Variants in PRICKLE1 observed in about 807,000 individuals in gnomAD.
The protein encoded by PRICKLE1 is prickle planar cell polarity protein 1.
Under a neutral mutation model 70.2 loss-of-function variants are expected in PRICKLE1, and 14 were observed. The ratio of observed to expected loss-of-function variants is 0.20; its 90% CI spans 0.13 to 0.31. The LOEUF (loss-of-function observed/expected upper bound fraction) is 0.31. PRICKLE1 is among the 10% of genes least tolerant of loss of function. The probability of loss-of-function intolerance (pLI) is 1.00; values close to 1 mark genes in which losing one functional copy is unlikely to be tolerated. For synonymous variants in PRICKLE1, 357 were observed against 379.9 expected (o/e 0.94, Z 0.70); for missense variants, 821 against 1,026.2 (o/e 0.80, Z 2.73).
At chr12:42,572,166 G>A (rs1390726812) in intron 1 of PRICKLE1, among the ~76,000 whole-genome samples, 1 of 152,138 alleles carries the variant, frequency 6.6e-6, no homozygotes, top group African/African-American at 2.4e-5. Flanking sequence ...GGGCGCGGTG[G>A]CTTATGCTTG....
intron 7 of PRICKLE1, chr12:42,463,730 A>T (rs1937958925): frequency 6.5e-6 from 1 of 153,080 alleles, no homozygotes; most frequent in South Asian, 2.1e-4. Context: ...CAAAAAAAAA[A>T]AGAGCTTGTA....
At chr12:42,578,873 T>G (rs1396697278) in intron 1 of PRICKLE1, among the ~76,000 whole-genome samples, 1 of 152,066 alleles carries the variant, frequency 6.6e-6, no homozygotes, top group Non-Finnish European at 1.5e-5. Flanking sequence ...GTGATTCTCC[T>G]GCCTCAGCCT....
chr12:42,497,831 T>C (rs769510694), intron 1 of PRICKLE1, among the ~76,000 whole-genome samples: 13 of 151,792 alleles, frequency 8.6e-5, no homozygotes, highest in Non-Finnish European at 1.9e-4. Context: ...CAGTGTGCAG[T>C]AAAACGAAGC....
chr12:42,467,546 G>A lies in PRICKLE1; in HGVS notation c.588+1080C>T, dbSNP rs535787522. Among the ~76,000 whole-genome samples the A allele has an allele frequency of 1.1e-4, 16 of 152,092 alleles. 1 individual carries two copies. In the South Asian group the frequency reaches 3.3e-3, roughly 32 times the overall value. ...TCTTGGGGTCAGGAATTCGAGACCA[G>A]CCTGGCCAACATGGTGAAGCCCGCC... On this transcript the variant is annotated intron_variant, in intron 5 of 7. Coordinates refer to ENST00000345127, the MANE Select transcript of PRICKLE1 (RefSeq NM_153026.3).
intron 1 of PRICKLE1, among the ~76,000 whole-genome samples, chr12:42,538,787 A>G (rs1287846648): frequency 1.3e-5 from 2 of 152,282 alleles, no homozygotes; most frequent in East Asian, 3.9e-4. Flanking sequence ...CAAGGGAAGT[A>G]AGTTTTCCTA....
At chr12:42,582,853 G>A (rs1054085658) in intron 1 of PRICKLE1, among the ~76,000 whole-genome samples, 6 of 152,078 alleles carry the variant, frequency 3.9e-5, no homozygotes, top group African/African-American at 1.4e-4. Context: ...CATCGTTAGT[G>A]TTAGTATGTT....
At chr12:42,518,683 G>A (rs1939653406) in intron 1 of PRICKLE1, among the ~76,000 whole-genome samples, 1 of 152,140 alleles carries the variant, frequency 6.6e-6, no homozygotes, top group South Asian at 2.1e-4. Flanking sequence ...GTTGTAAGAT[G>A]AAATTTAATC....
chr12:42,528,680 G>A (rs945711718), intron 1 of PRICKLE1, among the ~76,000 whole-genome samples: 2 of 152,222 alleles, frequency 1.3e-5, no homozygotes, highest in Admixed American at 1.3e-4. Context: ...CAATCAGGCA[G>A]AAGTTGATGT....
At chr12:42,570,215 C>T (rs1214900122) in intron 1 of PRICKLE1, among the ~76,000 whole-genome samples, 1 of 152,216 alleles carries the variant, frequency 6.6e-6, no homozygotes, top group African/African-American at 2.4e-5. Context: ...AAACAATTGT[C>T]ATACTCCATG....
intron 1 of PRICKLE1, among the ~76,000 whole-genome samples, chr12:42,518,163 C>T (rs1194000971): frequency 2.6e-5 from 4 of 151,786 alleles, no homozygotes. Context: ...ACTGCCTCAG[C>T]CTCCTGCGTA....
intron 7 of PRICKLE1, among the ~76,000 whole-genome samples, chr12:42,461,446 G>T (rs1937831244): frequency 6.6e-6 from 1 of 152,158 alleles, no homozygotes; most frequent in South Asian, 2.1e-4. Flanking sequence ...CAGCTCAACA[G>T]CTTGTTTGTG....
intron 1 of PRICKLE1, among the ~76,000 whole-genome samples, chr12:42,527,944 T>C (rs1290066104): frequency 0.037 from 2,802 of 74,898 alleles, 283 homozygotes; most frequent in African/African-American, 0.14. Flanking sequence ...TATATATATA[T>C]ATATATATAT....
intron 7 of PRICKLE1, among the ~76,000 whole-genome samples, chr12:42,461,240 T>C (rs1937820365): frequency 1.3e-5 from 2 of 152,234 alleles, no homozygotes; most frequent in Admixed American, 1.3e-4. Context: ...TTACGGCACA[T>C]GGCATGAGCA....
intron 1 of PRICKLE1, among the ~76,000 whole-genome samples, chr12:42,574,879 A>C (rs145817458): frequency 6.2e-4 from 93 of 148,932 alleles, no homozygotes; most frequent in African/African-American, 2.1e-3. Context: ...CTATGAGACT[A>C]TTGTCTGCTA....
chr12:42,530,170 CTGACCTCAAG>C (rs1939885605), intron 1 of PRICKLE1, among the ~76,000 whole-genome samples: 1 of 152,078 alleles, frequency 6.6e-6, no homozygotes, highest in Admixed American at 6.5e-5. Flanking sequence ...TCTTGAACTC[CTGACCTCAAG>C]TGATCCGCCT....
chr12:42,490,847 T>C (rs1342328598), intron 1 of PRICKLE1, among the ~76,000 whole-genome samples: 3 of 152,188 alleles, frequency 2.0e-5, no homozygotes, highest in African/African-American at 7.2e-5. Flanking sequence ...GAAGGACTTA[T>C]ATTTCTAAGC....
chr12:42,499,427 A>ATT (rs550884637), intron 1 of PRICKLE1, among the ~76,000 whole-genome samples: 37 of 144,608 alleles, frequency 2.6e-4, no homozygotes, highest in South Asian at 4.4e-4. Context: ...TAAATCTAGA[A>ATT]TTTTTTTTTT....
intron 1 of PRICKLE1, among the ~76,000 whole-genome samples, chr12:42,544,366 AC>A (rs1940171040): frequency 6.6e-6 from 1 of 152,182 alleles, no homozygotes; most frequent in Non-Finnish European, 1.5e-5. Context: ...CTATTCCTCA[AC>A]AATCTTCCCA....
At chr12:42,543,262 C>T (rs1220687253) in intron 1 of PRICKLE1, among the ~76,000 whole-genome samples, 1 of 152,076 alleles carries the variant, frequency 6.6e-6, no homozygotes, top group Non-Finnish European at 1.5e-5. Context: ...GCTAAATGTT[C>T]TTGAAAAGAA....
Sources: gnomAD v4.1 joint callset for allele counts (sites outside exome capture counted in the v4.1 genomes callset) on GRCh38, gnomAD v4.1.1 for gene constraint, MANE v1.5 for transcripts, NCBI Gene and HGNC (gene_info 2026-07-23, HGNC 2026-07-21) for gene names.